Variants in ADGRG3 observed in about 807,000 individuals in gnomAD.
The protein encoded by ADGRG3 is adhesion G protein-coupled receptor G3.
In ADGRG3, 39 loss-of-function variants were observed where a neutral mutation model predicts 54.3. The observed-to-expected ratio is 0.72, with a 90% CI of 0.56 to 0.94. The LOEUF is 0.94. ADGRG3 is among the 40% of genes least tolerant of loss of function. The pLI is 0.00. For missense variants in ADGRG3, 654 were observed against 694.6 expected (o/e 0.94, Z 0.66); for synonymous variants, 312 against 290.0 (o/e 1.08, Z -0.77).
chr16:57,679,435 A>C, intron 5 of ADGRG3, 124 bp downstream of exon 5: 1 of 1,063,286 alleles, frequency 9.4e-7, no homozygotes, highest in Non-Finnish European at 1.4e-6. Context: ...GTCGCCCAGG[A>C]GGAGCCATTA....
chr16:57,666,765 CT>C (rs1326970642), upstream of ADGRG3, among the ~76,000 whole-genome samples: 3 of 152,184 alleles, frequency 2.0e-5, no homozygotes, highest in Non-Finnish European at 2.9e-5. Flanking sequence ...TGACCTTCCC[CT>C]GCACCTGCCC....
At chr16:57,665,868 C>T (rs1183872178), upstream of ADGRG3, among the ~76,000 whole-genome samples, 1 of 152,208 alleles carries the variant, frequency 6.6e-6, no homozygotes, top group African/African-American at 2.4e-5. Context: ...TGGGTCTAGA[C>T]TGGCAGTGCC....
rs117611097 is a variant in ADGRG3 at position 57,680,236 on chromosome 16, T to A, written c.668-29T>A. On this transcript the variant is annotated intron_variant, in intron 6 of 11. Transcript: ENST00000333493. ...TGCCCTCCCCTCCCTATATTCCCTT[T>A]CCCTCTGTTCCCCTGGCCTCCTCTC... The A allele has an allele frequency of 7.3e-6, 10 of 1,370,384 alleles. No homozygotes were observed. In the South Asian group the frequency reaches 1.2e-4, roughly 16 times the overall value. The allele number at this position is 1,370,384 out of a possible 1,614,324, so 84.9% of individuals were successfully genotyped here.
chr16:57,679,354 A>G (rs781409467), intron 5 of ADGRG3, 43 bp downstream of exon 5: 3 of 1,609,146 alleles, frequency 1.9e-6, no homozygotes, highest in Admixed American at 3.3e-5. Context: ...CAGGGCAGAC[A>G]GGCGAGTGGG....
chr16:57,680,363 C>A lies in ADGRG3; in HGVS notation c.766C>A (p.Leu256Met). The part of the protein sequence containing the change: ...CDHLTFFALL[L>M]RPTLDQSTVH... Reference sequence around the variant, plus strand: ...CCACCTGACCTTTTTCGCCCTGCTCCTGGTAACAGCCCCCTCCACTCTGAT... The same window carrying A: ...CCACCTGACCTTTTTCGCCCTGCTCATGGTAACAGCCCCCTCCACTCTGAT... The change falls in exon 7 of 12, where the codon CTG (leucine) becomes ATG (methionine). Residue 256 changes from leucine to methionine, a missense_variant and splice_region_variant. Transcript: ENST00000333493. 2.5e-6 allele frequency: 4 copies of A among 1,611,904 alleles called. No individual in the cohort carries two copies. Among genetic ancestry groups the A allele is most frequent in the Non-Finnish European group, 3.4e-6 (4 of 1,178,532 alleles).
In ADGRG3 at chr16:57,685,883, C is replaced by T. The variant is rs2048464263; in HGVS notation, c.1497C>T (p.Gly499=). ...TWGLAIFTPL[G]LSTVYIFALF... is the part of the protein sequence containing the mutation. ...GGTTGGCCATCTTCACCCCGTTGGGCCTCTCCACCGTCTACATCTTTGCAC... is the reference window on the plus strand; with the variant it reads ...GGTTGGCCATCTTCACCCCGTTGGGTCTCTCCACCGTCTACATCTTTGCAC... The change falls in exon 11 of 12, where the codon GGC becomes GGT. Residue 499 remains glycine, a synonymous_variant. Transcript: ENST00000333493. 6.2e-7 allele frequency: 1 copy of T among 1,613,982 alleles called. No individual in the cohort carries two copies. Among genetic ancestry groups the T allele is most frequent in the Non-Finnish European group, 8.5e-7 (1 of 1,180,028 alleles).
chr16:57,679,930 T>C, intron 6 of ADGRG3, 75 bp downstream of exon 6: 1 of 1,201,288 alleles, frequency 8.3e-7, no homozygotes, highest in Non-Finnish European at 1.2e-6. Context: ...CGGGGCTAGC[T>C]CCACTGGCTG....
intron 4 of ADGRG3, 95 bp from the exon 5 acceptor site, chr16:57,679,082 G>T: frequency 6.9e-7 from 1 of 1,457,962 alleles, no homozygotes; most frequent in Admixed American, 1.8e-5. Flanking sequence ...TCCAAGCAAA[G>T]GCCATGGGTT....
upstream of ADGRG3, among the ~76,000 whole-genome samples, chr16:57,666,364 G>A (rs1416282260): frequency 2.0e-5 from 3 of 152,232 alleles, no homozygotes; most frequent in Non-Finnish European, 2.9e-5. Flanking sequence ...CCTGCACAGG[G>A]CACCAACAGT....
At chr16:57,668,543 G>A (rs542577326) in intron 1 of ADGRG3, 138 bp downstream of exon 1, 78 of 768,754 alleles carry the variant, frequency 1.0e-4, no homozygotes, top group African/African-American at 6.3e-4. Flanking sequence ...GATACCCCCC[G>A]TGGCCGCCTC....
At chr16:57,673,298 C>T in intron 1 of ADGRG3, 23 bp from the exon 2 acceptor site, 1 of 1,599,466 alleles carries the variant, frequency 6.3e-7, no homozygotes, top group Non-Finnish European at 8.6e-7. Context: ...AGCCCATTCA[C>T]ACTCTCTGCA....
At chr16:57,672,083 G>A (rs765262752) in intron 1 of ADGRG3, among the ~76,000 whole-genome samples, 6 of 152,224 alleles carry the variant, frequency 3.9e-5, no homozygotes, top group Non-Finnish European at 8.8e-5. Context: ...GGGAGGCTGA[G>A]GTTGGAGGAT....
In ADGRG3 at chr16:57,685,908, C is replaced by T; in HGVS notation, c.1522C>T (p.Leu508Phe). Residue 508 changes from leucine to phenylalanine, a missense_variant, in exon 11 of 12, where the codon CTT (leucine) becomes TTT (phenylalanine). Physicochemically the swap from Leu to Phe is conservative, Grantham distance 22. Coordinates refer to ENST00000333493, the MANE Select transcript of ADGRG3 (RefSeq NM_170776.5). The part of the protein sequence containing the change: ...LGLSTVYIFA[L>F]FNSLQGVFIC... ...CCTCTCCACCGTCTACATCTTTGCA[C>T]TTTTCAACTCCTTGCAAGGTGAGGC... 2 of 1,613,938 alleles carry T rather than the reference C, an allele frequency of 1.2e-6. No individual in the cohort carries two copies. The highest frequency in any genetic ancestry group is 1.7e-6 in the Non-Finnish European group (2 of 1,179,846).
intron 8 of ADGRG3, among the ~76,000 whole-genome samples, chr16:57,680,910 A>C (rs1301064854): frequency 6.6e-6 from 1 of 152,152 alleles, no homozygotes; most frequent in African/African-American, 2.4e-5. Flanking sequence ...AGGTGCATGG[A>C]CTTCTGGCAG....
At chr16:57,673,187 C>T in intron 1 of ADGRG3, 134 bp from the exon 2 acceptor site, 1 of 811,228 alleles carries the variant, frequency 1.2e-6, no homozygotes, top group Non-Finnish European at 2.0e-6. Context: ...CTCAAGTGCA[C>T]CGTTAGTGTG....
Position 57,688,460 on chromosome 16 carries a change from A to G in ADGRG3, c.1649A>G (p.Ter550TrpextTer59), listed in dbSNP as rs1597785597. The G allele has an allele frequency of 6.4e-7, 1 of 1,568,004 alleles. No individual in the cohort carries two copies. The highest frequency in any genetic ancestry group is 8.8e-7 in the Non-Finnish European group (1 of 1,138,030). The stretch of plus-strand genomic sequence containing the variant: ...CAGGCCCACTCCGCATCTCAAGAAT[A>G]GGAAGGCACGGCCCTGCAATATGGA... Reference protein sequence around the residue: ...LDQAHSASQE* With the variant: ...LDQAHSASQEW The change falls in exon 12 of 12, where the codon TAG becomes TGG. Residue 550 changes from the stop codon to tryptophan (W), a stop_lost. Coordinates refer to ENST00000333493, the MANE Select transcript of ADGRG3 (RefSeq NM_170776.5).
intron 11 of ADGRG3, among the ~76,000 whole-genome samples, chr16:57,687,892 AT>A (rs2148717791): frequency 6.6e-6 from 1 of 152,316 alleles, no homozygotes; most frequent in South Asian, 2.1e-4. Flanking sequence ...TGAATTGCCC[AT>A]TGAACTCTTC....
intron 8 of ADGRG3, among the ~76,000 whole-genome samples, chr16:57,683,543 C>G (rs1375951343): frequency 2.6e-5 from 4 of 152,210 alleles, no homozygotes; most frequent in Non-Finnish European, 4.4e-5. Flanking sequence ...TGCTTTTCAT[C>G]TCACTTCTTG....
intron 5 of ADGRG3, among the ~76,000 whole-genome samples, chr16:57,679,604 GC>G (rs1395674936): frequency 2.6e-5 from 4 of 152,110 alleles, no homozygotes; most frequent in African/African-American, 9.7e-5. Context: ...CCTGCCCACA[GC>G]CCCACACCAC....
Sources: allele counts gnomAD v4.1 joint callset (sites outside exome capture counted in the v4.1 genomes callset), GRCh38; gene constraint gnomAD v4.1.1; transcripts MANE v1.5; gene names NCBI Gene and HGNC (gene_info 2026-07-23, HGNC 2026-07-21).